Variants in POTEJ observed in about 807,000 individuals in gnomAD.
POTEJ encodes POTE ankyrin domain family, member J.
A neutral mutation model predicts 69.0 loss-of-function variants in POTEJ; 11 were observed. The observed-to-expected ratio is 0.16, with a 90% CI of 0.10 to 0.26. The LOEUF is 0.26. Ranked by LOEUF, POTEJ falls within the 10% of genes least tolerant of loss-of-function variation. The pLI is 1.00. For synonymous variants in POTEJ, 117 were observed against 381.1 expected (o/e 0.31, Z 8.07); for missense variants, 327 against 1,045.5 (o/e 0.31, Z 9.48).
At chr2:130,624,020 C>T in intron 5 of POTEJ, 44 bp from the exon 6 acceptor site, 1 of 1,482,676 alleles carries the variant, frequency 6.7e-7, no homozygotes. Context: ...ATTTTTATAT[C>T]AGTATTAAAA....
At position 130,656,990 on chromosome 2, in the gene POTEJ, G is replaced by A. The variant is rs898291134; in HGVS notation, c.2230G>A (p.Asp744Asn). ...MEHGIITNWD[D>N]MEKIWHHTFY... is the part of the protein sequence containing the mutation. ...ACACGGCATCATCACCAACTGGGAT[G>A]ACATGGAGAAGATCTGGCACCACAC... Residue 744 changes from aspartate to asparagine, a missense_variant, in exon 15 of 15, where the codon GAC becomes AAC. Coordinates refer to ENST00000409602, the MANE Select transcript of POTEJ (RefSeq NM_001277083.2). The A allele has an allele frequency of 3.8e-6, 6 of 1,584,412 alleles. No individual in the cohort carries two copies. The highest frequency in any genetic ancestry group is 4.5e-5 in the East Asian group (2 of 44,884).
At chr2:130,651,928 T>C (rs1573997984) in intron 13 of POTEJ, among the ~76,000 whole-genome samples, 2 of 142,330 alleles carry the variant, frequency 1.4e-5, no homozygotes, top group East Asian at 3.9e-4. Context: ...AAAATTGCTA[T>C]TTTGAATTAT....
chr2:130,641,229 CA>C (rs1241803851), intron 10 of POTEJ, among the ~76,000 whole-genome samples: 22 of 152,152 alleles, frequency 1.4e-4, no homozygotes. Flanking sequence ...GCAAAGAAAC[CA>C]GGAGACAAAG....
chr2:130,626,726 T>C (rs1360162633), intron 6 of POTEJ, among the ~76,000 whole-genome samples: 1 of 152,174 alleles, frequency 6.6e-6, no homozygotes, highest in Non-Finnish European at 1.5e-5. Flanking sequence ...TTCCTTGTCA[T>C]ACATCCTTGG....
chr2:130,643,948 G>T (rs1335878272), intron 10 of POTEJ, 35 bp from the exon 11 acceptor site: 1 of 134,168 alleles, frequency 7.5e-6, no homozygotes, highest in Admixed American at 1.3e-4. Flanking sequence ...GTTCTAAGTG[G>T]TTGATTTTAA....
rs1687014666 is a variant in POTEJ, at chr2:130,656,847, C to A, written c.2087C>A (p.Ser696Tyr). The stretch of plus-strand genomic sequence containing the variant: ...GATGCCCCCCGGGCTGTCTTCCCTT[C>A]CATCGTGGGGTGCCCCAGGCAGCAG... Reference protein sequence around the residue: ...GDDAPRAVFPSIVGCPRQQGM... With the variant: ...GDDAPRAVFPYIVGCPRQQGM... Residue 696 changes from serine (S) to tyrosine (Y), a missense_variant, in exon 15 of 15, where the codon TCC becomes TAC. Physicochemically the swap from Ser to Tyr is moderately radical, Grantham distance 144 (BLOSUM62 -2). Coordinates refer to ENST00000409602, the MANE Select transcript of POTEJ (RefSeq NM_001277083.2). 1 of 1,589,636 alleles carries A rather than the reference C, an allele frequency of 6.3e-7. No individual in the cohort carries two copies. The highest frequency in any genetic ancestry group is 8.6e-7 in the Non-Finnish European group (1 of 1,163,730).
At chr2:130,649,986 C>T (rs1210942387) in intron 13 of POTEJ, among the ~76,000 whole-genome samples, 4 of 152,160 alleles carry the variant, frequency 2.6e-5, no homozygotes, top group Non-Finnish European at 4.4e-5. Flanking sequence ...CAATTCCTAG[C>T]CCAGAGAAAA....
At chr2:130,643,520 A>C (rs1469929685) in intron 10 of POTEJ, among the ~76,000 whole-genome samples, 5 of 135,000 alleles carry the variant, frequency 3.7e-5, no homozygotes, top group African/African-American at 1.4e-4. Context: ...TGACTCATTA[A>C]AAAAAAAAAA....
rs1204932798 is a variant in POTEJ at position 130,615,524 on chromosome 2, C to T, written c.411-1266C>T. Among the ~76,000 whole-genome samples the T allele has an allele frequency of 4.0e-4, 55 of 138,276 alleles. 1 individual carries two copies. Among genetic ancestry groups the T allele is most frequent in the Admixed American group, 7.1e-4 (10 of 14,170 alleles). 90.7% of individuals were successfully genotyped at this position (138,276 alleles called of 152,430 possible). ...TAGGAAGAGAAAACCAAATACAGCA[C>T]GTTCTCAATTACAGGTGGGAGCTAA... is the stretch of plus-strand genomic sequence containing the variant. On this transcript the variant is annotated intron_variant, in intron 1 of 14. Coordinates refer to ENST00000409602, the MANE Select transcript of POTEJ (RefSeq NM_001277083.2).
intron 13 of POTEJ, among the ~76,000 whole-genome samples, chr2:130,647,018 C>T (rs1686603918): frequency 6.7e-6 from 1 of 150,074 alleles, no homozygotes; most frequent in Non-Finnish European, 1.5e-5. Flanking sequence ...TATATGTATA[C>T]TTATGTATAA....
Position 130,629,216 on chromosome 2 carries a change from G to A in POTEJ, c.1016-733G>A, listed in dbSNP as rs202203645. On this transcript the variant is annotated intron_variant, in intron 6 of 14. Coordinates refer to ENST00000409602, the MANE Select transcript of POTEJ (RefSeq NM_001277083.2). ...AAACAGGAGGATTTCATTTAGGTTCGCACCAGCTCAGCGGATTTGCATCCG... is the reference window on the plus strand; with the variant it reads ...AAACAGGAGGATTTCATTTAGGTTCACACCAGCTCAGCGGATTTGCATCCG... Among the ~76,000 whole-genome samples the A allele has an allele frequency of 8.8e-4, 129 of 146,200 alleles. No individual in the cohort carries two copies. In the East Asian group the frequency reaches 0.021, roughly 23 times the overall value.
intron 9 of POTEJ, among the ~76,000 whole-genome samples, chr2:130,637,151 A>T (rs1686124684): frequency 6.6e-6 from 1 of 150,910 alleles, no homozygotes; most frequent in Non-Finnish European, 1.5e-5. Context: ...GCATTTTTAA[A>T]ATCGTTTTGG....
chr2:130,612,648 A>C (rs1272127668), intron 1 of POTEJ, among the ~76,000 whole-genome samples: 1 of 142,770 alleles, frequency 7.0e-6, no homozygotes, highest in Admixed American at 7.0e-5. Context: ...CTGTAGTCCC[A>C]GCTACTCAGG....
chr2:130,636,212 TAAG>T (rs1686082699), intron 9 of POTEJ, among the ~76,000 whole-genome samples: 1 of 151,904 alleles, frequency 6.6e-6, no homozygotes, highest in South Asian at 2.1e-4. Context: ...ACCACCTTTC[TAAG>T]AAGAAGAAAA....
In POTEJ at chr2:130,656,656, C is replaced by T. The variant is rs559971878; in HGVS notation, c.1896C>T (p.Ser632=). 3.7e-6 allele frequency: 6 copies of T among 1,609,554 alleles called. No homozygotes were observed. The highest frequency in any genetic ancestry group is 3.4e-6 in the Non-Finnish European group (4 of 1,179,854). The stretch of plus-strand genomic sequence containing the variant: ...AGCTAGACACAATGAAACATCAGAG[C>T]CAGCTAAGAAAAAAGAAATATTTGG... ...RLELDTMKHQ[S]QLRKKKYLED... The change falls in exon 15 of 15, where the codon AGC becomes AGT. Residue 632 remains serine, a synonymous_variant. Coordinates refer to ENST00000409602, the MANE Select transcript of POTEJ (RefSeq NM_001277083.2).
intron 14 of POTEJ, among the ~76,000 whole-genome samples, 177 bp downstream of exon 14, chr2:130,655,218 AT>A (rs1343770914): frequency 6.6e-6 from 1 of 151,850 alleles, no homozygotes; most frequent in South Asian, 2.1e-4. Context: ...ATTCACCTTC[AT>A]TTGCCTGCAA....
chr2:130,611,237 T>C (rs1685196310), upstream of POTEJ, among the ~76,000 whole-genome samples: 1 of 136,872 alleles, frequency 7.3e-6, no homozygotes, highest in Non-Finnish European at 1.5e-5. Context: ...CGCGTTCCCT[T>C]GCTAGGCTTG....
intron 5 of POTEJ, among the ~76,000 whole-genome samples, chr2:130,622,419 CTGT>C (rs1685571684): frequency 1.2e-5 from 1 of 81,768 alleles, no homozygotes; most frequent in African/African-American, 5.5e-5. Context: ...TCCTTTGAGG[CTGT>C]TGTTGGTCTT....
chr2:130,648,409 T>C (rs1220506079), intron 13 of POTEJ, among the ~76,000 whole-genome samples: 10 of 140,478 alleles, frequency 7.1e-5, no homozygotes, highest in Admixed American at 2.8e-4. Context: ...AAGTATGTTG[T>C]CCTTAAAGAA....
Sources: gnomAD v4.1 joint callset for allele counts (sites outside exome capture counted in the v4.1 genomes callset) on GRCh38, gnomAD v4.1.1 for gene constraint, MANE v1.5 for transcripts, NCBI Gene and HGNC (gene_info 2026-07-23, HGNC 2026-07-21) for gene names.